LOC128462377: variants seen among roughly 807,000 people sequenced by gnomAD.
chr16:89,329,094 A>G, the LOC128462377 span: 1 of 152,988 alleles, frequency 6.5e-6, no homozygotes, highest in African/African-American at 2.4e-5. Flanking sequence ...TGAGTGCACA[A>G]AGCCCACCTC....
the LOC128462377 span, among the ~76,000 whole-genome samples, chr16:89,359,307 C>T: frequency 1.3e-5 from 2 of 152,104 alleles, no homozygotes; most frequent in South Asian, 2.1e-4. Flanking sequence ...TCCAGAAAAT[C>T]CCAGAGCAGC....
the LOC128462377 span, among the ~76,000 whole-genome samples, chr16:89,406,422 T>A: frequency 6.6e-6 from 1 of 152,090 alleles, no homozygotes; most frequent in Admixed American, 6.5e-5. Context: ...TTGCGGTCAG[T>A]CCTAGAGGAG....
the LOC128462377 span, among the ~76,000 whole-genome samples, chr16:89,405,409 G>A: frequency 6.6e-6 from 1 of 151,520 alleles, no homozygotes; most frequent in African/African-American, 2.4e-5. Context: ...CCGTAGCCTC[G>A]ACCTCCTGGG....
the LOC128462377 span, among the ~76,000 whole-genome samples, chr16:89,369,239 G>A: frequency 1.3e-5 from 2 of 151,998 alleles, no homozygotes; most frequent in Non-Finnish European, 2.9e-5. Flanking sequence ...ACAAAAGGCA[G>A]TGCAGCGACC....
At chr16:89,418,278 A>G in the LOC128462377 span, 1 of 453,924 alleles carries the variant, frequency 2.2e-6, no homozygotes, top group African/African-American at 2.0e-5. Context: ...TGCAGTGAGT[A>G]TTTACCGATT....
the LOC128462377 span, among the ~76,000 whole-genome samples, chr16:89,319,339 T>C: frequency 1.3e-5 from 2 of 152,302 alleles, no homozygotes; most frequent in East Asian, 1.9e-4. Context: ...CCTTCCCCAA[T>C]GGACCAGGGA....
the LOC128462377 span, among the ~76,000 whole-genome samples, chr16:89,344,778 G>A: frequency 1.2e-4 from 19 of 152,232 alleles, no homozygotes; most frequent in East Asian, 2.7e-3. Flanking sequence ...AGGGCCAGAC[G>A]TGAGGCCAGA....
the LOC128462377 span, among the ~76,000 whole-genome samples, chr16:89,394,047 A>G: frequency 6.6e-6 from 1 of 152,170 alleles, no homozygotes; most frequent in Non-Finnish European, 1.5e-5. Context: ...CGGTGCCTGC[A>G]GCTCACAGGG....
At chr16:89,387,819 A>G in the LOC128462377 span, among the ~76,000 whole-genome samples, 3 of 151,624 alleles carry the variant, frequency 2.0e-5, 1 homozygote, top group South Asian at 6.2e-4. Context: ...CCTGGCCAAC[A>G]TGGTGAAACC....
chr16:89,332,822 T>G, the LOC128462377 span, among the ~76,000 whole-genome samples: 2 of 152,232 alleles, frequency 1.3e-5, no homozygotes, highest in African/African-American at 4.8e-5. Context: ...AAGCAAGCAA[T>G]TCCCTTAGAA....
the LOC128462377 span, among the ~76,000 whole-genome samples, chr16:89,337,874 C>T: frequency 4.5e-3 from 683 of 152,322 alleles, 7 homozygotes; most frequent in African/African-American, 0.015. Flanking sequence ...ATGGTGTGGT[C>T]TTCAGTCTAC....
the LOC128462377 span, among the ~76,000 whole-genome samples, chr16:89,392,909 T>G: frequency 6.6e-6 from 1 of 151,914 alleles, no homozygotes; most frequent in South Asian, 2.1e-4. Context: ...AATCACCACC[T>G]TGGGACCTGC....
the LOC128462377 span, among the ~76,000 whole-genome samples, chr16:89,344,999 C>A: frequency 6.6e-6 from 1 of 152,194 alleles, no homozygotes; most frequent in African/African-American, 2.4e-5. Flanking sequence ...ACAGCAGAAG[C>A]AGGCGCAGAT....
chr16:89,349,982 G>C, the LOC128462377 span, among the ~76,000 whole-genome samples: 4 of 151,408 alleles, frequency 2.6e-5, no homozygotes, highest in Non-Finnish European at 4.4e-5. Flanking sequence ...AAAATCAGCA[G>C]ACAACCCGAT....
At chr16:89,349,133 G>GAAAAAAAAAAAAAAAAAA in the LOC128462377 span, among the ~76,000 whole-genome samples, 1 of 1,572 alleles carries the variant, frequency 6.4e-4, no homozygotes, top group Non-Finnish European at 1.2e-3. Context: ...GTCTCAAAAA[G>GAAAAAAAAAAAAAAAAAA]TAAAAAAAAA....
the LOC128462377 span, among the ~76,000 whole-genome samples, chr16:89,406,378 G>A: frequency 6.6e-6 from 1 of 152,140 alleles, no homozygotes; most frequent in Non-Finnish European, 1.5e-5. Flanking sequence ...ACACTCCTGA[G>A]GGCGACAAAA....
chr16:89,390,765 G>A, the LOC128462377 span, among the ~76,000 whole-genome samples: 1 of 152,182 alleles, frequency 6.6e-6, no homozygotes, highest in African/African-American at 2.4e-5. Context: ...CAAAAACAAT[G>A]CTGCTGGTAA....
At chr16:89,338,995 C>A in the LOC128462377 span, among the ~76,000 whole-genome samples, 4 of 152,188 alleles carry the variant, frequency 2.6e-5, no homozygotes, top group African/African-American at 9.7e-5. Context: ...CCGAGGGCCT[C>A]ACTGGACTTA....
At chr16:89,410,520 A>C in the LOC128462377 span, among the ~76,000 whole-genome samples, 1 of 152,036 alleles carries the variant, frequency 6.6e-6, no homozygotes, top group East Asian at 1.9e-4. Context: ...CGGAAGGGAA[A>C]CACCTGCCCC....
Sources: allele counts gnomAD v4.1 joint callset (sites outside exome capture counted in the v4.1 genomes callset), GRCh38; gene constraint gnomAD v4.1.1; transcripts MANE v1.5.